Variants in EYA1 observed in about 807,000 individuals in gnomAD.
EYA1 encodes protein phosphatase EYA1.
Under a neutral mutation model 82.0 loss-of-function variants are expected in EYA1, and 16 were observed. The ratio of observed to expected loss-of-function variants is 0.20; its 90% CI spans 0.13 to 0.30. The LOEUF is 0.30. Among genes scored for constraint, EYA1 ranks in the 10% least tolerant of loss-of-function variants. The pLI is 1.00. For missense variants in EYA1, 633 were observed against 730.7 expected (o/e 0.87, Z 1.54); for synonymous variants, 261 against 264.4 (o/e 0.99, Z 0.12).
chr8:71,536,518 AT>A (rs1049339552), intron 1 of EYA1, among the ~76,000 whole-genome samples: 29 of 152,314 alleles, frequency 1.9e-4, no homozygotes, highest in African/African-American at 5.8e-4. Context: ...TCAAAAAAAA[AT>A]ATAGCAATTT....
intron 2 of EYA1, among the ~76,000 whole-genome samples, chr8:71,479,623 GA>G (rs34377404): frequency 0.13 from 12,843 of 99,952 alleles, 835 homozygotes; most frequent in East Asian, 0.42. Context: ...CTTTCTTTAT[GA>G]AAAAAAAAAA....
intron 14 of EYA1, 152 bp downstream of exon 14, chr8:71,216,540 C>T: frequency 6.0e-6 from 5 of 831,728 alleles, no homozygotes; most frequent in South Asian, 4.4e-5. Flanking sequence ...ATATTTCTGT[C>T]ACTAAATCAC....
chr8:71,479,422 C>G (rs774488585), intron 2 of EYA1, among the ~76,000 whole-genome samples: 1 of 152,054 alleles, frequency 6.6e-6, no homozygotes, highest in Non-Finnish European at 1.5e-5. Context: ...TTTCCACATT[C>G]CATTTTAACA....
intron 2 of EYA1, chr8:71,403,997 A>G (rs1176816053): frequency 6.6e-6 from 1 of 152,248 alleles, no homozygotes; most frequent in Non-Finnish European, 1.5e-5. Context: ...AAGGACATTT[A>G]AAAAATAATT....
chr8:71,506,773 A>C (rs1464374030), intron 2 of EYA1, among the ~76,000 whole-genome samples: 1 of 152,214 alleles, frequency 6.6e-6, no homozygotes, highest in African/African-American at 2.4e-5. Context: ...TATAATTTTC[A>C]AGTGCTTTAC....
intron 2 of EYA1, among the ~76,000 whole-genome samples, chr8:71,431,265 G>GT (rs773459135): frequency 1.3e-5 from 2 of 152,156 alleles, no homozygotes; most frequent in African/African-American, 2.4e-5. Flanking sequence ...CTCCCTTCCT[G>GT]TAAGTATATT....
chr8:71,221,583 T>A (rs962894197), intron 12 of EYA1, among the ~76,000 whole-genome samples: 1 of 152,158 alleles, frequency 6.6e-6, no homozygotes, highest in Non-Finnish European at 1.5e-5. Flanking sequence ...CATTTCTATT[T>A]AGCCAATTTT....
At chr8:71,462,332 T>G (rs1808421970) in intron 2 of EYA1, among the ~76,000 whole-genome samples, 1 of 152,058 alleles carries the variant, frequency 6.6e-6, no homozygotes, top group African/African-American at 2.4e-5. Flanking sequence ...CTGCTCCAAG[T>G]GTGCACACAC....
rs569783340 is a variant in EYA1, at chr8:71,430,504, G to C, written c.34-73993C>G. Among the ~76,000 whole-genome samples, 14 of 152,318 alleles carry C rather than the reference G, an allele frequency of 9.2e-5. No homozygotes were observed. In the South Asian group the frequency reaches 2.7e-3, roughly 29 times the overall value. On this transcript the variant is annotated intron_variant, in intron 2 of 18. Transcript: ENST00000643681. Reference sequence around the variant, plus strand: ...GAACCAACATGAGAATCTTGAAAAAGAGGTGAGCTAAGAGTAAGTTGGAAG... The same window carrying C: ...GAACCAACATGAGAATCTTGAAAAACAGGTGAGCTAAGAGTAAGTTGGAAG...
At chr8:71,434,448 G>T (rs1201696192) in intron 2 of EYA1, among the ~76,000 whole-genome samples, 1 of 152,162 alleles carries the variant, frequency 6.6e-6, no homozygotes, top group African/African-American at 2.4e-5. Context: ...TATACAATTA[G>T]ATAAGCTATG....
intron 2 of EYA1, among the ~76,000 whole-genome samples, chr8:71,489,693 C>G (rs2129223072): frequency 6.6e-6 from 1 of 152,346 alleles, no homozygotes; most frequent in East Asian, 1.9e-4. Flanking sequence ...AACATGAACA[C>G]ATTTTTAATC....
intron 11 of EYA1, among the ~76,000 whole-genome samples, chr8:71,247,527 T>C (rs150691336): frequency 6.6e-6 from 1 of 152,228 alleles, no homozygotes; most frequent in African/African-American, 2.4e-5. Flanking sequence ...TTGTGTATGA[T>C]GATTCATACT....
At chr8:71,545,707 G>A (rs1170355353) in intron 1 of EYA1, among the ~76,000 whole-genome samples, 2 of 151,512 alleles carry the variant, frequency 1.3e-5, no homozygotes, top group African/African-American at 2.4e-5. Flanking sequence ...GATTATAGGC[G>A]CCCACCACCA....
chr8:71,443,900 C>A (rs1481083708), intron 2 of EYA1, among the ~76,000 whole-genome samples: 2 of 152,204 alleles, frequency 1.3e-5, no homozygotes, highest in African/African-American at 4.8e-5. Context: ...AAGCAGACAG[C>A]TTTCTAAAGC....
intron 3 of EYA1, among the ~76,000 whole-genome samples, chr8:71,347,311 G>T (rs547419899): frequency 6.7e-6 from 1 of 148,656 alleles, no homozygotes; most frequent in East Asian, 1.9e-4. Context: ...CCTAAAGATT[G>T]TTTTATTTAT....
At chr8:71,498,974 T>C (rs1218272494) in intron 2 of EYA1, among the ~76,000 whole-genome samples, 1 of 152,160 alleles carries the variant, frequency 6.6e-6, no homozygotes, top group Non-Finnish European at 1.5e-5. Context: ...CTTGTTCAAA[T>C]TTAATTTAGA....
intron 1 of EYA1, among the ~76,000 whole-genome samples, chr8:71,358,898 G>T (rs1387117530): frequency 6.6e-6 from 1 of 152,124 alleles, no homozygotes; most frequent in African/African-American, 2.4e-5. Flanking sequence ...TTCTAGAAAA[G>T]TGATGTGAGG....
At chr8:71,451,208 T>C (rs988420738) in intron 2 of EYA1, among the ~76,000 whole-genome samples, 1 of 152,220 alleles carries the variant, frequency 6.6e-6, no homozygotes, top group Admixed American at 6.5e-5. Flanking sequence ...ATTTTGGACT[T>C]AGTAACCACA....
intron 1 of EYA1, among the ~76,000 whole-genome samples, chr8:71,537,910 G>A (rs1183491900): frequency 6.6e-6 from 1 of 152,232 alleles, no homozygotes; most frequent in East Asian, 1.9e-4. Context: ...TTTCATGTTT[G>A]TTATTGTTTC....
Sources: allele counts gnomAD v4.1 joint callset (sites outside exome capture counted in the v4.1 genomes callset), GRCh38; gene constraint gnomAD v4.1.1; transcripts MANE v1.5; gene names NCBI Gene and HGNC (gene_info 2026-07-23, HGNC 2026-07-21).